Variants in TTC27 observed in about 807,000 individuals in gnomAD.
TTC27 encodes tetratricopeptide repeat domain 27.
TTC27 carries 79 observed loss-of-function variants against 115.9 expected under a neutral mutation model. The observed-to-expected ratio is 0.68, with a 90% CI of 0.57 to 0.82. The LOEUF (loss-of-function observed/expected upper bound fraction) is 0.82, where lower values mean the gene tolerates loss of function less well. Among genes scored for constraint, TTC27 ranks in the 40% least tolerant of loss-of-function variants. The probability of loss-of-function intolerance (pLI) is 0.00; values close to 1 mark genes in which losing one functional copy is unlikely to be tolerated. For missense variants in TTC27, 1,054 were observed against 993.1 expected (o/e 1.06, Z -0.82); for synonymous variants, 401 against 356.0 (o/e 1.13, Z -1.42).
At chr2:32,778,245 G>T (rs1301896313) in intron 14 of TTC27, among the ~76,000 whole-genome samples, 1 of 152,098 alleles carries the variant, frequency 6.6e-6, no homozygotes, top group Middle Eastern at 3.2e-3. Flanking sequence ...TATATATTTT[G>T]TCATTCATTA....
At chr2:32,820,050 T>C (rs1671630024) in intron 19 of TTC27, among the ~76,000 whole-genome samples, 1 of 152,262 alleles carries the variant, frequency 6.6e-6, no homozygotes, top group Non-Finnish European at 1.5e-5. Flanking sequence ...TATGAAATGC[T>C]GTACAAATCA....
Position 32,777,960 on chromosome 2 carries a change from T to C in TTC27, c.1759T>C (p.Cys587Arg). The C allele has an allele frequency of 1.2e-6, 2 of 1,614,116 alleles. No homozygotes were observed. Among genetic ancestry groups the C allele is most frequent in the Non-Finnish European group, 1.7e-6 (2 of 1,179,994 alleles). ...YQGSAKAFQR[C>R]VTLEPDNAEA... ...AGGTTCAGCAAAGGCATTTCAGCGC[T>C]GTGTGACTCTAGAACCCGATGTAAG... Residue 587 changes from cysteine to arginine, a missense_variant, in exon 14 of 20, where the codon TGT (cysteine) becomes CGT (arginine). Coordinates refer to ENST00000317907, the MANE Select transcript of TTC27 (RefSeq NM_017735.5).
intron 13 of TTC27, among the ~76,000 whole-genome samples, chr2:32,774,826 G>A (rs1669941384): frequency 1.3e-5 from 2 of 152,190 alleles, no homozygotes; most frequent in African/African-American, 2.4e-5. Context: ...ACCACTGTGT[G>A]CAAAGCTCAT....
At chr2:32,635,245 C>T (rs1010193340) in intron 3 of TTC27, 1 of 153,166 alleles carries the variant, frequency 6.5e-6, no homozygotes, top group Non-Finnish European at 1.5e-5. Flanking sequence ...TTTGATTTAT[C>T]CAGCCACTTT....
chr2:32,795,530 TCTTA>T (rs1394051652), intron 16 of TTC27, among the ~76,000 whole-genome samples: 4 of 140,212 alleles, frequency 2.9e-5, no homozygotes. Context: ...AAGCTTCTTT[TCTTA>T]TTTATTTATT....
In TTC27 at chr2:32,640,334, T is replaced by C; in HGVS notation, c.461T>C (p.Leu154Pro). 1 of 1,614,110 alleles carries C rather than the reference T, an allele frequency of 6.2e-7. No individual in the cohort carries two copies. Among genetic ancestry groups the C allele is most frequent in the Middle Eastern group, 1.6e-4 (1 of 6,062 alleles). The change falls in exon 4 of 20, where the codon CTG becomes CCG. Residue 154 changes from leucine (L) to proline (P), a missense_variant. Leu to Pro is a moderately conservative substitution (Grantham distance 98, BLOSUM62 -3). Coordinates refer to ENST00000317907, the MANE Select transcript of TTC27 (RefSeq NM_017735.5). Reference protein sequence around the residue: ...LTLDGESIYSLTSKPILLLLA... With the variant: ...LTLDGESIYSPTSKPILLLLA... ...CTAGATGGTGAATCAATCTACAGCC[T>C]GACCTCGAAGCCTATACTACTGTTA...
At chr2:32,747,718 A>C (rs1668877646) in intron 12 of TTC27, among the ~76,000 whole-genome samples, 1 of 152,190 alleles carries the variant, frequency 6.6e-6, no homozygotes, top group South Asian at 2.1e-4. Flanking sequence ...AGTAGAATAA[A>C]TATTTGTAGA....
At chr2:32,723,481 A>G (rs1232066028) in intron 10 of TTC27, among the ~76,000 whole-genome samples, 3 of 152,062 alleles carry the variant, frequency 2.0e-5, no homozygotes, top group Admixed American at 6.5e-5. Flanking sequence ...CTCCCCAGGT[A>G]CACATAGAAC....
intron 16 of TTC27, among the ~76,000 whole-genome samples, chr2:32,788,658 T>G (rs993556730): frequency 1.6e-4 from 25 of 152,198 alleles, no homozygotes; most frequent in African/African-American, 5.8e-4. Context: ...AGTAATCTCC[T>G]TCATATCTGC....
At chr2:32,651,464 A>G (rs1455222328) in intron 5 of TTC27, among the ~76,000 whole-genome samples, 3 of 152,168 alleles carry the variant, frequency 2.0e-5, no homozygotes, top group African/African-American at 4.8e-5. Context: ...CTCCTGCCTC[A>G]GCCTCCTGAG....
At chr2:32,797,782 A>G (rs1223484194) in intron 16 of TTC27, among the ~76,000 whole-genome samples, 2 of 152,252 alleles carry the variant, frequency 1.3e-5, no homozygotes, top group East Asian at 3.8e-4. Context: ...GAAAATTTAA[A>G]AATTTTGTGC....
At chr2:32,780,457 T>G (rs566403646) in intron 14 of TTC27, among the ~76,000 whole-genome samples, 109 of 152,328 alleles carry the variant, frequency 7.2e-4, no homozygotes, top group African/African-American at 2.6e-3. Context: ...TTTATTTTTT[T>G]GAGACAGAAT....
intron 12 of TTC27, among the ~76,000 whole-genome samples, chr2:32,744,162 G>A (rs533288170): frequency 4.5e-4 from 68 of 152,270 alleles, no homozygotes; most frequent in African/African-American, 1.3e-3. Context: ...AATTCTATGT[G>A]GCTCTCATAT....
intron 16 of TTC27, 29 bp from the exon 17 acceptor site, chr2:32,810,988 TTTCTAAC>T (rs1163348038): frequency 6.2e-7 from 1 of 1,606,610 alleles, no homozygotes; most frequent in South Asian, 1.1e-5. Context: ...TGTTTGTTGG[TTTCTAAC>T]TTACCAGTTT....
rs933448055 is a variant in TTC27, at chr2:32,812,412, A to G, written c.2197-92A>G. ...TACAACACAGATGCTGCTTTTTCAC[A>G]TTGGAATTAGTTCCATATGACTTCC... On this transcript the variant is annotated intron_variant, in intron 17 of 19. Transcript: ENST00000317907. 3.3e-5 allele frequency: 30 copies of G among 915,400 alleles called. No homozygotes were observed. In the Admixed American group the frequency reaches 5.6e-4, roughly 17 times the overall value. 56.7% of individuals were successfully genotyped at this position (915,400 alleles called of 1,614,324 possible). A position where few individuals can be genotyped will look rare whatever the true frequency, so the allele number is the denominator to read the frequency against.
chr2:32,814,953 TGG>T (rs1671449216), intron 18 of TTC27, among the ~76,000 whole-genome samples: 2 of 152,160 alleles, frequency 1.3e-5, no homozygotes, highest in South Asian at 4.1e-4. Context: ...GTTTACTCCT[TGG>T]GTTGCTATCA....
At chr2:32,781,089 G>C (rs1345520597) in intron 14 of TTC27, among the ~76,000 whole-genome samples, 1 of 152,178 alleles carries the variant, frequency 6.6e-6, no homozygotes, top group Non-Finnish European at 1.5e-5. Context: ...AGCTTCCATT[G>C]ATGAGGGATG....
intron 14 of TTC27, among the ~76,000 whole-genome samples, chr2:32,782,158 T>A (rs1670199852): frequency 6.6e-6 from 1 of 152,194 alleles, no homozygotes; most frequent in African/African-American, 2.4e-5. Flanking sequence ...GGTAGAGGAA[T>A]AGGTAGAGAA....
chr2:32,810,380 G>T (rs1671280945), intron 16 of TTC27, among the ~76,000 whole-genome samples: 1 of 152,134 alleles, frequency 6.6e-6, no homozygotes, highest in Non-Finnish European at 1.5e-5. Flanking sequence ...AGGACATTAG[G>T]AATGTTGAAA....
Sources: allele counts gnomAD v4.1 joint callset (sites outside exome capture counted in the v4.1 genomes callset), GRCh38; gene constraint gnomAD v4.1.1; transcripts MANE v1.5; gene names NCBI Gene and HGNC (gene_info 2026-07-23, HGNC 2026-07-21).